Variants in TANC1 observed in about 807,000 individuals in gnomAD.
TANC1 encodes the protein tetratricopeptide repeat, ankyrin repeat and coiled-coil containing 1, also known as protein TANC1.
Under a neutral mutation model 149.7 loss-of-function variants are expected in TANC1, and 77 were observed. That is an observed-to-expected ratio of 0.51 (90% CI 0.43 to 0.62). TANC1 has a LOEUF of 0.62. Ranked by LOEUF, TANC1 falls within the 20% of genes least tolerant of loss-of-function variation. TANC1 has a pLI of 0.00. For synonymous variants in TANC1, 854 were observed against 925.0 expected, an observed-to-expected ratio of 0.92 and a Z score of 1.39; for missense variants, 1,985 against 2,321.8, an observed-to-expected ratio of 0.85 and a Z score of 2.98.
chr2:159,107,057 G>A (rs975224258), intron 4 of TANC1, among the ~76,000 whole-genome samples: 10 of 151,982 alleles, frequency 6.6e-5, no homozygotes, highest in Admixed American at 4.6e-4. Flanking sequence ...ACGGAGTCTC[G>A]CTCTGTCTCG....
At chr2:159,024,767 C>G (rs1388386060) in intron 2 of TANC1, among the ~76,000 whole-genome samples, 1 of 151,418 alleles carries the variant, frequency 6.6e-6, no homozygotes, top group African/African-American at 2.4e-5. Flanking sequence ...AAAAAAAAAT[C>G]TTTTAGATCA....
Position 159,230,446 on chromosome 2 carries a change from A to T in TANC1, c.5020A>T (p.Lys1674Ter). 6.2e-7 allele frequency: 1 copy of T among 1,614,146 alleles called. No individual in the cohort carries two copies. Among genetic ancestry groups the T allele is most frequent in the East Asian group, 2.2e-5 (1 of 44,882 alleles). Residue 1674 changes from lysine (K) to a stop codon, truncating the protein, a stop_gained, in exon 27 of 27, where the codon AAG becomes TAG. Transcript: ENST00000263635. LOFTEE classifies it high-confidence loss of function. The surrounding 1 kb of genome is among the most constrained non-coding windows in gnomAD (Gnocchi z 4.4). ...TTCTGGTTCTCCATCCAGCAGCATAAAGATGTCAAGTTCAACCAGTAGTTT... is the reference window on the plus strand; with the variant it reads ...TTCTGGTTCTCCATCCAGCAGCATATAGATGTCAAGTTCAACCAGTAGTTT... Reference protein sequence around the residue: ...GSSGSPSSSIKMSSSTSSLTS... With the variant: ...GSSGSPSSSI
chr2:159,194,951 C>T (rs1178403079), intron 17 of TANC1, among the ~76,000 whole-genome samples: 1 of 152,164 alleles, frequency 6.6e-6, no homozygotes, highest in African/African-American at 2.4e-5. Context: ...GAATCTTCAT[C>T]TTTCCACTTG....
intron 2 of TANC1, among the ~76,000 whole-genome samples, chr2:159,058,815 T>TTTTG (rs140501867): frequency 6.3e-4 from 96 of 152,062 alleles, no homozygotes; most frequent in African/African-American, 1.0e-3. Context: ...AGGTAAGGTG[T>TTTTG]TTTGTTTGTT....
At chr2:159,167,327 G>A (rs2054707299) in intron 8 of TANC1, among the ~76,000 whole-genome samples, 1 of 152,168 alleles carries the variant, frequency 6.6e-6, no homozygotes, top group Non-Finnish European at 1.5e-5. Flanking sequence ...TGCTCAGGCA[G>A]GAGCCTAGAA....
intron 2 of TANC1, among the ~76,000 whole-genome samples, chr2:159,008,877 A>G (rs970634502): frequency 2.6e-5 from 4 of 152,158 alleles, no homozygotes; most frequent in Non-Finnish European, 5.9e-5. Context: ...CTCCCAGGGC[A>G]GAATTCATTG....
intron 2 of TANC1, among the ~76,000 whole-genome samples, chr2:159,020,094 A>G (rs1326120285): frequency 9.2e-5 from 14 of 152,270 alleles, no homozygotes; most frequent in Middle Eastern, 3.4e-3. Context: ...TTGAATTAAC[A>G]ATTCTGACTA....
chr2:159,205,481 C>A (rs1228515973), intron 19 of TANC1, among the ~76,000 whole-genome samples: 2 of 152,202 alleles, frequency 1.3e-5, no homozygotes, highest in Non-Finnish European at 2.9e-5. Flanking sequence ...AAGGTGTTCC[C>A]ATACAATACT....
chr2:159,116,154 C>G (rs1456785959), intron 4 of TANC1, among the ~76,000 whole-genome samples: 1 of 152,020 alleles, frequency 6.6e-6, no homozygotes, highest in Non-Finnish European at 1.5e-5. Context: ...TGGCTGGGCG[C>G]GGTGGCTCAC....
intron 2 of TANC1, among the ~76,000 whole-genome samples, chr2:159,058,230 C>T (rs775768724): frequency 6.6e-6 from 1 of 152,166 alleles, no homozygotes; most frequent in African/African-American, 2.4e-5. Context: ...ATTTGAAATA[C>T]CCAAATAAAA....
intron 4 of TANC1, among the ~76,000 whole-genome samples, chr2:159,124,418 C>G (rs1378690937): frequency 1.3e-5 from 2 of 152,156 alleles, no homozygotes; most frequent in African/African-American, 4.8e-5. Flanking sequence ...ATTTGCATGT[C>G]TAATAAGTTC....
At chr2:159,144,401 A>T (rs1404559845) in intron 5 of TANC1, among the ~76,000 whole-genome samples, 13 of 152,174 alleles carry the variant, frequency 8.5e-5, no homozygotes, top group Admixed American at 7.9e-4. Flanking sequence ...TCTGAGACGG[A>T]GTCTCGCTCT....
intron 2 of TANC1, among the ~76,000 whole-genome samples, chr2:159,020,494 A>G (rs1250362104): frequency 1.3e-5 from 2 of 152,184 alleles, no homozygotes; most frequent in Non-Finnish European, 2.9e-5. Flanking sequence ...ATTTAAATAT[A>G]TGCTGTGTGT....
intron 1 of TANC1, among the ~76,000 whole-genome samples, chr2:158,973,902 C>T (rs1297706107): frequency 1.3e-5 from 2 of 152,158 alleles, no homozygotes; most frequent in East Asian, 1.9e-4. Flanking sequence ...CTGCTAAAAA[C>T]GTAAGAGTTG....
chr2:159,056,017 TG>T, intron 2 of TANC1: 1 of 314,890 alleles, frequency 3.2e-6, no homozygotes, highest in Non-Finnish European at 6.4e-6. Context: ...GTTGCCCCAC[TG>T]GGCCATCTTG....
At chr2:159,180,560 C>G (rs1394900426) in intron 14 of TANC1, among the ~76,000 whole-genome samples, 1 of 152,128 alleles carries the variant, frequency 6.6e-6, no homozygotes, top group Non-Finnish European at 1.5e-5. Context: ...TTCTTAAAAG[C>G]AGGCATGGGG....
chr2:158,991,115 A>AAG (rs1462311981), intron 1 of TANC1, among the ~76,000 whole-genome samples: 2 of 145,854 alleles, frequency 1.4e-5, no homozygotes, highest in African/African-American at 5.0e-5. Flanking sequence ...AAAAAAAAAA[A>AAG]GTAGAAAAAA....
At chr2:159,167,697 T>C (rs1041654889) in intron 8 of TANC1, among the ~76,000 whole-genome samples, 1 of 152,102 alleles carries the variant, frequency 6.6e-6, no homozygotes, top group African/African-American at 2.4e-5. Context: ...AGGGCACGTG[T>C]TGGATTGCCC....
intron 4 of TANC1, 133 bp from the exon 5 acceptor site, chr2:159,136,061 C>CGT (rs768696697): frequency 0.3 from 138,573 of 465,242 alleles, 32,116 homozygotes; most frequent in African/African-American, 0.46. Flanking sequence ...CGCGCGCGCG[C>CGT]GTTTAAGGGA....
Sources: gnomAD v4.1 joint callset for allele counts (sites outside exome capture counted in the v4.1 genomes callset) on GRCh38, gnomAD v4.1.1 for gene constraint, Gnocchi (gnomAD v3.1) non-coding constraint, MANE v1.5 for transcripts, NCBI Gene and HGNC (gene_info 2026-07-23, HGNC 2026-07-21) for gene names.